MTA3: variants seen among roughly 807,000 people sequenced by gnomAD.
MTA3 encodes metastasis-associated protein MTA3.
Under a neutral mutation model 83.5 loss-of-function variants are expected in MTA3, and 34 were observed. That is an observed-to-expected ratio of 0.41 (90% CI 0.31 to 0.54). The LOEUF (loss-of-function observed/expected upper bound fraction) is 0.54, where lower values mean the gene tolerates loss of function less well. Ranked by LOEUF, MTA3 falls within the 20% of genes least tolerant of loss-of-function variation. MTA3 has a pLI of 0.33. For missense variants in MTA3, 761 were observed against 726.4 expected, an observed-to-expected ratio of 1.05 and a Z score of -0.55; for synonymous variants, 303 against 252.7, an observed-to-expected ratio of 1.20 and a Z score of -1.89.
At chr2:42,577,091 T>A (rs1573028835) in intron 2 of MTA3, among the ~76,000 whole-genome samples, 1 of 19,214 alleles carries the variant, frequency 5.2e-5, no homozygotes, top group Non-Finnish European at 8.0e-5. Flanking sequence ...GTACTCCATC[T>A]AAAAAAAAAA....
rs1477776507 is a variant in MTA3 at position 42,570,602 on chromosome 2, G to C, written c.96+98G>C. On this transcript the variant is annotated intron_variant, in intron 2 of 16. Coordinates refer to ENST00000405094, the MANE Select transcript of MTA3 (RefSeq NM_001330442.2). The stretch of plus-strand genomic sequence containing the variant: ...TGGCCTGGTGTGGGGGCTCATGCCT[G>C]CAATCCCAGTAAATTGGGAGGCCTG... 1.2e-5 allele frequency: 7 copies of C among 605,552 alleles called. No homozygotes were observed. In the South Asian group the frequency reaches 2.8e-4, roughly 24 times the overall value. 37.5% of individuals were successfully genotyped at this position (605,552 alleles called of 1,614,324 possible).
chr2:42,741,733 T>A (rs1024451213), intron 16 of MTA3, among the ~76,000 whole-genome samples: 1 of 152,072 alleles, frequency 6.6e-6, no homozygotes, highest in Non-Finnish European at 1.5e-5. Context: ...CTATTAAGTT[T>A]CCCATCTTAT....
At chr2:42,622,370 C>CGGCTCGGCATGAGAG (rs1330281041) in intron 4 of MTA3, among the ~76,000 whole-genome samples, 1 of 115,596 alleles carries the variant, frequency 8.7e-6, no homozygotes, top group Non-Finnish European at 1.6e-5. Context: ...CGTCCAGCTT[C>CGGCTCGGCATGAGAG]GGCTCGGCAT....
chr2:42,712,663 A>C (rs1666721905), intron 14 of MTA3: 1 of 152,294 alleles, frequency 6.6e-6, no homozygotes, highest in East Asian at 1.9e-4. Flanking sequence ...AAAATTCTTC[A>C]TTGCATAAAG....
At chr2:42,506,996 A>G (rs949253709) in intron 2 of MTA3, among the ~76,000 whole-genome samples, 5 of 152,132 alleles carry the variant, frequency 3.3e-5, no homozygotes, top group African/African-American at 1.2e-4. Flanking sequence ...TCGAACTCCT[A>G]GGCTCAAGTG....
intron 3 of MTA3, among the ~76,000 whole-genome samples, chr2:42,609,239 C>A (rs868191153): frequency 1.8e-4 from 28 of 151,942 alleles, no homozygotes; most frequent in African/African-American, 6.3e-4. Context: ...CCATGTTGGC[C>A]AGGCTGGTCT....
At chr2:42,717,612 C>G (rs551778817) in intron 14 of MTA3, among the ~76,000 whole-genome samples, 59 of 152,326 alleles carry the variant, frequency 3.9e-4, no homozygotes, top group African/African-American at 1.4e-3. Context: ...CCCATCCTCA[C>G]TGTTTCTTAC....
chr2:42,579,540 C>T (rs1679396060), intron 3 of MTA3, among the ~76,000 whole-genome samples: 1 of 151,674 alleles, frequency 6.6e-6, no homozygotes, highest in South Asian at 2.1e-4. Context: ...GAGCCTCCTG[C>T]CTCATCCTTG....
chr2:42,608,382 G>C (rs1683763366), intron 3 of MTA3, among the ~76,000 whole-genome samples: 1 of 152,150 alleles, frequency 6.6e-6, no homozygotes, highest in Non-Finnish European at 1.5e-5. Context: ...TCTTTGAGTA[G>C]TTCATTAAAA....
intron 2 of MTA3, among the ~76,000 whole-genome samples, chr2:42,552,069 G>C (rs1677135365): frequency 6.6e-6 from 1 of 151,944 alleles, no homozygotes; most frequent in African/African-American, 2.4e-5. Flanking sequence ...TATTGCCCAG[G>C]CTGGTATCAA....
chr2:42,733,254 G>A (rs1668365295), intron 16 of MTA3, among the ~76,000 whole-genome samples: 1 of 152,180 alleles, frequency 6.6e-6, no homozygotes, highest in African/African-American at 2.4e-5. Context: ...ATGGCAGGAG[G>A]TGAAAGGCAC....
chr2:42,633,816 G>A (rs1352536213), intron 4 of MTA3, among the ~76,000 whole-genome samples: 1 of 150,952 alleles, frequency 6.6e-6, no homozygotes, highest in Non-Finnish European at 1.5e-5. Context: ...GTGTACCCGG[G>A]AGGCGGAGCT....
chr2:42,558,322 A>G (rs1363011405), intron 2 of MTA3, among the ~76,000 whole-genome samples: 3 of 148,686 alleles, frequency 2.0e-5, no homozygotes, highest in South Asian at 2.1e-4. Context: ...GCTCACTGCA[A>G]CCTTTGCCTT....
intron 5 of MTA3, among the ~76,000 whole-genome samples, chr2:42,642,475 G>A (rs1687778038): frequency 1.3e-5 from 2 of 151,882 alleles, no homozygotes; most frequent in African/African-American, 4.8e-5. Context: ...AGGCAACATA[G>A]TGAGACGTCG....
intron 4 of MTA3, chr2:42,614,295 C>G (rs1296186154): frequency 6.6e-6 from 1 of 152,112 alleles, no homozygotes; most frequent in Non-Finnish European, 1.5e-5. Flanking sequence ...CGGGGTTTCT[C>G]CATGTTGGTC....
At position 42,754,428 on chromosome 2, in the gene MTA3, G is replaced by T. The variant is rs1283206602; in HGVS notation, c.*1029G>T. Reference sequence around the variant, plus strand: ...AGCACATGTGACCTAGGCCCCGGGGGACCTGCCTGCTCCTTTGGCTTGGGC... The same window carrying T: ...AGCACATGTGACCTAGGCCCCGGGGTACCTGCCTGCTCCTTTGGCTTGGGC... On this transcript the variant is annotated 3_prime_UTR_variant, in exon 17 of 17. Coordinates refer to ENST00000405094, the MANE Select transcript of MTA3 (RefSeq NM_001330442.2). 2 of 985,580 alleles carry T rather than the reference G, an allele frequency of 2.0e-6. No individual in the cohort carries two copies. Among genetic ancestry groups the T allele is most frequent in the South Asian group, 4.7e-5 (1 of 21,296 alleles). 61.1% of individuals were successfully genotyped at this position (985,580 alleles called of 1,614,324 possible). A position where few individuals can be genotyped will look rare whatever the true frequency, so the allele number is the denominator to read the frequency against.
At chr2:42,547,112 GAC>G (rs1676793472) in intron 2 of MTA3, among the ~76,000 whole-genome samples, 1 of 152,164 alleles carries the variant, frequency 6.6e-6, no homozygotes, top group African/African-American at 2.4e-5. Context: ...CTCCCCCAGA[GAC>G]AGATTTTGTA....
intron 8 of MTA3, among the ~76,000 whole-genome samples, chr2:42,670,175 C>T (rs1224502624): frequency 2.0e-5 from 3 of 151,978 alleles, no homozygotes; most frequent in Non-Finnish European, 4.4e-5. Context: ...AGAAGAATCG[C>T]TTGAACCCAG....
At chr2:42,694,997 C>G (rs554626671) in intron 9 of MTA3, among the ~76,000 whole-genome samples, 1 of 151,866 alleles carries the variant, frequency 6.6e-6, no homozygotes, top group African/African-American at 2.4e-5. Context: ...AAGAATTAGC[C>G]GGGCATGGTG....
Sources: allele counts gnomAD v4.1 joint callset (sites outside exome capture counted in the v4.1 genomes callset), GRCh38; gene constraint gnomAD v4.1.1; transcripts MANE v1.5; gene names NCBI Gene and HGNC (gene_info 2026-07-23, HGNC 2026-07-21).